Variants in DNER observed in about 807,000 individuals in gnomAD.
DNER encodes delta and Notch-like epidermal growth factor-related receptor.
A neutral mutation model predicts 78.2 loss-of-function variants in DNER; 33 were observed. The observed-to-expected ratio is 0.42, with a 90% confidence interval of 0.32 to 0.56. DNER has a LOEUF of 0.56. Ranked by LOEUF, DNER falls within the 20% of genes least tolerant of loss-of-function variation. DNER has a pLI of 0.11. For missense variants in DNER, 918 were observed against 975.3 expected (o/e 0.94, Z 0.78); for synonymous variants, 417 against 384.8 (o/e 1.08, Z -0.98).
At chr2:229,382,498 G>T (rs1452181672) in intron 11 of DNER, among the ~76,000 whole-genome samples, 1 of 152,032 alleles carries the variant, frequency 6.6e-6, no homozygotes, top group Non-Finnish European at 1.5e-5. Flanking sequence ...CTAACCCAAT[G>T]CAAGGAAGCT....
At chr2:229,687,158 T>C (rs564951453) in intron 1 of DNER, among the ~76,000 whole-genome samples, 1 of 152,380 alleles carries the variant, frequency 6.6e-6, no homozygotes, top group Non-Finnish European at 1.5e-5. Context: ...ATGCCATTAT[T>C]TAAACATTCT....
In DNER at chr2:229,621,005, A is replaced by G. The variant is rs560580807; in HGVS notation, c.277-29117T>C. ...AGGCTCCAGCACTGTGAGAAAATAA[A>G]TATCTGCTGTTTAAGCCACCCGGTC... is the stretch of plus-strand genomic sequence containing the variant. On this transcript the variant is annotated intron_variant, in intron 1 of 12. Transcript: ENST00000341772. 1.9e-4 allele frequency among the ~76,000 whole-genome samples: 29 copies of G among 152,310 alleles called. No homozygotes were observed. The East Asian group carries it at 5.2e-3, about 27-fold the overall frequency.
chr2:229,606,995 G>A (rs1440566290), intron 1 of DNER, among the ~76,000 whole-genome samples: 7 of 152,062 alleles, frequency 4.6e-5, no homozygotes, highest in African/African-American at 7.2e-5. Context: ...TGGGACTCAC[G>A]CACATGCCTG....
intron 1 of DNER, among the ~76,000 whole-genome samples, chr2:229,637,726 C>A (rs187029525): frequency 3.9e-5 from 6 of 152,082 alleles, no homozygotes; most frequent in Non-Finnish European, 8.8e-5. Context: ...AAATCAAGTG[C>A]GTTTTTTTTC....
chr2:229,592,323 C>T (rs1021178400), intron 1 of DNER, among the ~76,000 whole-genome samples: 1 of 152,200 alleles, frequency 6.6e-6, no homozygotes, highest in African/African-American at 2.4e-5. Context: ...TGAGAAAAGA[C>T]TGCCCCATTT....
intron 4 of DNER, among the ~76,000 whole-genome samples, chr2:229,572,649 A>C (rs1358638867): frequency 6.6e-6 from 1 of 152,204 alleles, no homozygotes; most frequent in East Asian, 1.9e-4. Flanking sequence ...ATTGGGAAGC[A>C]GACCTTGATA....
At chr2:229,665,028 C>A (rs897225339) in intron 1 of DNER, among the ~76,000 whole-genome samples, 1 of 152,112 alleles carries the variant, frequency 6.6e-6, no homozygotes, top group Non-Finnish European at 1.5e-5. Context: ...CTTTAATTTG[C>A]GGAATAGTTA....
chr2:229,584,310 T>C (rs1697456359), intron 4 of DNER, among the ~76,000 whole-genome samples: 1 of 152,078 alleles, frequency 6.6e-6, no homozygotes, highest in South Asian at 2.1e-4. Context: ...TTGCAATATA[T>C]AGTCAGACAG....
At chr2:229,536,815 G>A (rs764131140) in intron 5 of DNER, among the ~76,000 whole-genome samples, 4 of 152,022 alleles carry the variant, frequency 2.6e-5, no homozygotes, top group East Asian at 1.9e-4. Context: ...GTGTGAAATC[G>A]GGCCACACAC....
chr2:229,415,320 T>G (rs1693622696), intron 9 of DNER, among the ~76,000 whole-genome samples: 1 of 152,192 alleles, frequency 6.6e-6, no homozygotes, highest in South Asian at 2.1e-4. Context: ...AGCTGATTTC[T>G]CACTATTCAA....
chr2:229,382,595 T>C (rs1306294177), intron 11 of DNER, among the ~76,000 whole-genome samples: 2 of 151,400 alleles, frequency 1.3e-5, no homozygotes, highest in African/African-American at 4.9e-5. Context: ...AGCTGAAAAA[T>C]ACAGCAAGAG....
intron 1 of DNER, among the ~76,000 whole-genome samples, chr2:229,594,916 C>G (rs1574918791): frequency 1.7e-5 from 2 of 119,802 alleles, no homozygotes; most frequent in Middle Eastern, 6.9e-3. Context: ...CTTACTATGA[C>G]AAGAACTGTA....
intron 11 of DNER, among the ~76,000 whole-genome samples, chr2:229,373,834 T>C (rs1311323275): frequency 1.3e-5 from 2 of 152,132 alleles, no homozygotes; most frequent in Admixed American, 6.5e-5. Flanking sequence ...TGAATTAACA[T>C]AGGAGCAGAA....
chr2:229,523,310 G>A (rs1024137476), intron 5 of DNER, among the ~76,000 whole-genome samples: 6 of 152,198 alleles, frequency 3.9e-5, no homozygotes, highest in Admixed American at 1.3e-4. Context: ...CTGCCGTAAC[G>A]AAGTATCACA....
At chr2:229,659,590 A>C (rs1264900671) in intron 1 of DNER, among the ~76,000 whole-genome samples, 1 of 152,046 alleles carries the variant, frequency 6.6e-6, no homozygotes, top group African/African-American at 2.4e-5. Context: ...GCCTTTCTTA[A>C]ACTCACCATC....
At chr2:229,653,196 G>T (rs887656761) in intron 1 of DNER, among the ~76,000 whole-genome samples, 1 of 152,210 alleles carries the variant, frequency 6.6e-6, no homozygotes, top group Non-Finnish European at 1.5e-5. Context: ...CAGATTCGGG[G>T]AGAAAATCAC....
At chr2:229,681,347 G>A (rs1699383911) in intron 1 of DNER, among the ~76,000 whole-genome samples, 1 of 152,118 alleles carries the variant, frequency 6.6e-6, no homozygotes, top group East Asian at 1.9e-4. Context: ...TCCATCCCTG[G>A]CACCAAAATA....
intron 1 of DNER, among the ~76,000 whole-genome samples, chr2:229,637,702 T>C (rs1698552125): frequency 6.6e-6 from 1 of 152,186 alleles, no homozygotes; most frequent in African/African-American, 2.4e-5. Context: ...AATGTAGAAA[T>C]TGGCAAAGAC....
chr2:229,672,517 GAA>G (rs1433381243), intron 1 of DNER, among the ~76,000 whole-genome samples: 1 of 151,456 alleles, frequency 6.6e-6, no homozygotes, highest in Non-Finnish European at 1.5e-5. Context: ...GGGAGAGAGG[GAA>G]AGACAGAAAG....
Sources: gnomAD v4.1 joint callset for allele counts (sites outside exome capture counted in the v4.1 genomes callset) on GRCh38, gnomAD v4.1.1 for gene constraint, MANE v1.5 for transcripts, NCBI Gene and HGNC (gene_info 2026-07-23, HGNC 2026-07-21) for gene names.